B4GALNT2: variants seen among roughly 807,000 people sequenced by gnomAD.
B4GALNT2 encodes N-acetylneuraminylgalactosylglucosyl-glucoside beta-1,4-N- acetylgalactosaminyltransferase 2.
Under a neutral mutation model 51.1 loss-of-function variants are expected in B4GALNT2, and 42 were observed. The ratio of observed to expected loss-of-function variants is 0.82; its 90% CI spans 0.64 to 1.06. B4GALNT2 has a LOEUF of 1.06. Among genes scored for constraint, B4GALNT2 ranks in the 50% least tolerant of loss-of-function variants. The pLI, the probability that B4GALNT2 is intolerant of heterozygous loss-of-function variation, is 0.00. For synonymous variants in B4GALNT2, 253 were observed against 251.7 expected, an observed-to-expected ratio of 1.01 and a Z score of -0.05; for missense variants, 602 against 633.6, an observed-to-expected ratio of 0.95 and a Z score of 0.54.
At chr17:49,168,633 T>G in intron 9 of B4GALNT2, 48 bp from the exon 10 acceptor site, 1 of 1,548,094 alleles carries the variant, frequency 6.5e-7, no homozygotes, top group Non-Finnish European at 8.9e-7. Flanking sequence ...AGAGGCAGGA[T>G]GAATATTGAT....
intron 1 of B4GALNT2, among the ~76,000 whole-genome samples, chr17:49,138,296 G>T (rs2042608349): frequency 6.6e-6 from 1 of 152,156 alleles, no homozygotes; most frequent in Non-Finnish European, 1.5e-5. Flanking sequence ...CTTTTGCTAA[G>T]CGCCCAAGAG....
At chr17:49,168,531 A>G in intron 9 of B4GALNT2, 150 bp from the exon 10 acceptor site, 1 of 809,672 alleles carries the variant, frequency 1.2e-6, no homozygotes, top group South Asian at 1.7e-5. Context: ...CACAGCAGCA[A>G]CGAGGGAGTA....
chr17:49,146,329 A>G (rs910023245), intron 3 of B4GALNT2, among the ~76,000 whole-genome samples: 3 of 152,038 alleles, frequency 2.0e-5, no homozygotes, highest in African/African-American at 7.2e-5. Flanking sequence ...TTTTTTTTCA[A>G]GATGGAGTTT....
chr17:49,152,719 C>G (rs2042770816), intron 3 of B4GALNT2, 81 bp from the exon 4 acceptor site: 2 of 980,454 alleles, frequency 2.0e-6, no homozygotes, highest in South Asian at 1.6e-5. Context: ...GGGCAAGGCT[C>G]TGTGCACAGG....
intron 1 of B4GALNT2, among the ~76,000 whole-genome samples, chr17:49,135,837 G>A (rs1041364252): frequency 1.3e-5 from 2 of 151,666 alleles, no homozygotes; most frequent in African/African-American, 4.8e-5. Context: ...GCCGAGGCGG[G>A]CGGATCACGA....
chr17:49,139,484 C>A (rs559255754), intron 1 of B4GALNT2, among the ~76,000 whole-genome samples: 2 of 152,246 alleles, frequency 1.3e-5, no homozygotes, highest in African/African-American at 2.4e-5. Flanking sequence ...CCTCGGCCCC[C>A]CAAAGTGCTG....
chr17:49,162,474 G>A (rs1298768980), intron 7 of B4GALNT2, among the ~76,000 whole-genome samples: 1 of 152,152 alleles, frequency 6.6e-6, no homozygotes, highest in Non-Finnish European at 1.5e-5. Context: ...CACCTCTCGG[G>A]AGGCAATTTG....
intron 7 of B4GALNT2, among the ~76,000 whole-genome samples, chr17:49,160,877 T>A (rs2042858071): frequency 6.6e-6 from 1 of 152,130 alleles, no homozygotes; most frequent in Non-Finnish European, 1.5e-5. Context: ...AGCTAAAAAA[T>A]TATAACATTT....
chr17:49,168,033 C>G (rs1310388366), intron 9 of B4GALNT2, among the ~76,000 whole-genome samples: 1 of 152,146 alleles, frequency 6.6e-6, no homozygotes, highest in South Asian at 2.1e-4. Flanking sequence ...GACTAGTTGA[C>G]TATGTCGTGA....
chr17:49,135,135 TG>T (rs1167340310), intron 1 of B4GALNT2, among the ~76,000 whole-genome samples: 1 of 150,330 alleles, frequency 6.7e-6, no homozygotes, highest in Non-Finnish European at 1.5e-5. Context: ...TTTATTTTTC[TG>T]GGTACCATTT....
chr17:49,133,916 A>C (rs1417980621), intron 1 of B4GALNT2, among the ~76,000 whole-genome samples: 1 of 145,798 alleles, frequency 6.9e-6, no homozygotes, highest in Non-Finnish European at 1.5e-5. Flanking sequence ...TGTCTCAAAA[A>C]CAAACAAACA....
At chr17:49,131,754 A>T (rs1046659546), upstream of B4GALNT2, among the ~76,000 whole-genome samples, 1 of 152,058 alleles carries the variant, frequency 6.6e-6, no homozygotes, top group Admixed American at 6.5e-5. Flanking sequence ...CAAGTGATCC[A>T]CTTGCCTCAG....
At chr17:49,144,906 T>C (rs1048278419) in intron 3 of B4GALNT2, among the ~76,000 whole-genome samples, 1 of 151,968 alleles carries the variant, frequency 6.6e-6, no homozygotes, top group Non-Finnish European at 1.5e-5. Flanking sequence ...GAAGCTGGAG[T>C]CCAATGTTCG....
At chr17:49,132,397 T>C (rs539331696), upstream of B4GALNT2, 1 of 209,132 alleles carries the variant, frequency 4.8e-6, no homozygotes, top group Non-Finnish European at 9.5e-6. Flanking sequence ...CGTGGTGAAG[T>C]GGAGGGTGGA....
intron 1 of B4GALNT2, among the ~76,000 whole-genome samples, chr17:49,137,025 A>C (rs1169615062): frequency 6.6e-6 from 1 of 152,196 alleles, no homozygotes; most frequent in Non-Finnish European, 1.5e-5. Flanking sequence ...AAGGCATGTA[A>C]TATATCAGAT....
chr17:49,127,764 GC>G, upstream of B4GALNT2, among the ~76,000 whole-genome samples: 1 of 152,306 alleles, frequency 6.6e-6, no homozygotes, highest in African/African-American at 2.4e-5. Flanking sequence ...ATTTTGAGAA[GC>G]ACTTATTCAC....
chr17:49,155,711 C>T (rs894332424), intron 4 of B4GALNT2, among the ~76,000 whole-genome samples: 2 of 149,322 alleles, frequency 1.3e-5, no homozygotes, highest in African/African-American at 2.4e-5. Flanking sequence ...ATAAAATCAA[C>T]AACTTTTTTT....
intron 5 of B4GALNT2, among the ~76,000 whole-genome samples, chr17:49,158,740 G>A (rs1355109960): frequency 3.3e-5 from 5 of 151,604 alleles, no homozygotes; most frequent in African/African-American, 4.8e-5. Context: ...GGTCAAAAAA[G>A]GCTGTGGGTG....
In B4GALNT2 at chr17:49,169,850, G is replaced by A. The variant is rs938067711; in HGVS notation, c.*122G>A. Reference sequence around the variant, plus strand: ...AACCAGCTGGTGGGTAGGGAAAAGGGAAATGGCTCAGTTACTGGAAGTACC... The same window carrying A: ...AACCAGCTGGTGGGTAGGGAAAAGGAAAATGGCTCAGTTACTGGAAGTACC... On this transcript the variant is annotated 3_prime_UTR_variant, in exon 11 of 11. Coordinates refer to ENST00000393354, the MANE Select transcript of B4GALNT2 (RefSeq NM_001159387.2). The A allele has an allele frequency of 3.1e-6, 3 of 970,480 alleles. No individual in the cohort carries two copies. Among genetic ancestry groups the A allele is most frequent in the Non-Finnish European group, 4.4e-6 (3 of 684,224 alleles). The allele number at this position is 970,480 out of a possible 1,614,324, so 60.1% of individuals were successfully genotyped here.
Sources: gnomAD v4.1 joint callset for allele counts (sites outside exome capture counted in the v4.1 genomes callset) on GRCh38, gnomAD v4.1.1 for gene constraint, MANE v1.5 for transcripts, NCBI Gene and HGNC (gene_info 2026-07-23, HGNC 2026-07-21) for gene names.